Variants in AMER1 observed in about 807,000 individuals in gnomAD.
AMER1 encodes RP11-403E24.2.
Under a neutral mutation model 53.0 loss-of-function variants are expected in AMER1, and 16 were observed. That is an observed-to-expected ratio of 0.30 (90% CI 0.20 to 0.46). The LOEUF is 0.46. AMER1 is among the 20% of genes least tolerant of loss of function. The pLI is 1.00. For missense variants in AMER1, 947 were observed against 884.9 expected, an observed-to-expected ratio of 1.07 and a Z score of -0.89; for synonymous variants, 354 against 331.9, an observed-to-expected ratio of 1.07 and a Z score of -0.73.
In AMER1 at chrX:64,185,884, G is replaced by A. The variant is rs1396374574; in HGVS notation, c.*3995C>T. The A allele has an allele frequency of 2.9e-6, 1 of 342,918 alleles. No homozygotes were observed. The highest frequency in any genetic ancestry group is 2.6e-5 in the African/African-American group (1 of 38,291). 28.3% of individuals were successfully genotyped at this position (342,918 alleles called of 1,213,427 possible). On this transcript the variant is annotated 3_prime_UTR_variant, in exon 2 of 2. Coordinates refer to ENST00000374869, the MANE Select transcript of AMER1 (RefSeq NM_152424.4). ...ACAGCTTCTTGGGGAAAGGGGACAT[G>A]GTTGAAACCCCCTTCCTTCCCCATT... is the stretch of plus-strand genomic sequence containing the variant.
At chrX:64,196,963 G>C in intron 1 of AMER1, among the ~76,000 whole-genome samples, 1 of 112,411 alleles carries the variant, frequency 8.9e-6, no homozygotes, top group East Asian at 2.8e-4. Context: ...CATACTCTTT[G>C]CTATCCAACC....
At position 64,189,019 on chromosome X, in the gene AMER1, A is replaced by G. The variant is rs767739496; in HGVS notation, c.*860T>C. On this transcript the variant is annotated 3_prime_UTR_variant, in exon 2 of 2. Transcript: ENST00000374869. ...AGCTCAACACTCTATGGCAGTGTCC[A>G]CAACAGAACCTTGTTTTGTCTTCTG... 203 of 804,103 alleles carry G rather than the reference A, an allele frequency of 2.5e-4. No homozygotes were observed. The highest frequency in any genetic ancestry group is 1.9e-3 in the Middle Eastern group (3 of 1,597). The allele number at this position is 804,103 out of a possible 1,213,427, so 66.3% of individuals were successfully genotyped here. A position where few individuals can be genotyped will look rare whatever the true frequency, so the allele number is the denominator to read the frequency against.
chrX:64,195,740 C>T (rs1193185073), intron 1 of AMER1, among the ~76,000 whole-genome samples: 1 of 112,703 alleles, frequency 8.9e-6, no homozygotes, highest in Non-Finnish European at 1.9e-5. Context: ...TTCCATGAAA[C>T]AGGTCCCTGG....
At position 64,189,793 on chromosome X, in the gene AMER1, A is replaced by ACCCACCCCCCCCCCC; in HGVS notation, c.*85_*86insGGGGGGGGGGGTGGG. 1 of 292,074 alleles carries ACCCACCCCCCCCCCC rather than the reference A, an allele frequency of 3.4e-6. No individual in the cohort carries two copies. The highest frequency in any genetic ancestry group is 4.9e-6 in the Non-Finnish European group (1 of 204,832). The allele number at this position is 292,074 out of a possible 1,213,427, so 24.1% of individuals were successfully genotyped here. A position where few individuals can be genotyped will look rare whatever the true frequency, so the allele number is the denominator to read the frequency against. ...CAAAGGGTTTTCAAGTTAAACAACA[A>ACCCACCCCCCCCCCC]CCCCCACCCCCCCACCCTTCTGCCC... On this transcript the variant is annotated 3_prime_UTR_variant, in exon 2 of 2. Coordinates refer to ENST00000374869, the MANE Select transcript of AMER1 (RefSeq NM_152424.4).
In AMER1 at chrX:64,190,222, C is replaced by A. The variant is rs761242587; in HGVS notation, c.3065G>T (p.Arg1022Leu). 8.3e-7 allele frequency: 1 copy of A among 1,211,131 alleles called. No homozygotes were observed. Among genetic ancestry groups the A allele is most frequent in the Non-Finnish European group, 1.1e-6 (1 of 895,116 alleles). ...APGESGPQLA[R>L]PSHLHLPMGP... is the part of the protein sequence containing the mutation. ...CATGGGCAGGTGTAGGTGTGAGGGACGAGCTAGTTGAGGCCCAGATTCCCC... is the reference window on the plus strand; with the variant it reads ...CATGGGCAGGTGTAGGTGTGAGGGAAGAGCTAGTTGAGGCCCAGATTCCCC... The change falls in exon 2 of 2, where the codon CGT becomes CTT. Residue 1022 changes from arginine (R) to leucine (L), a missense_variant. Transcript: ENST00000374869.
At position 64,191,223 on chromosome X, in the gene AMER1, A is replaced by G. The variant is rs2147086869; in HGVS notation, c.2064T>C (p.Thr688=). The G allele has an allele frequency of 8.3e-7, 1 of 1,211,740 alleles. No homozygotes were observed. Among genetic ancestry groups the G allele is most frequent in the Non-Finnish European group, 1.1e-6 (1 of 895,488 alleles). ...CCCTCCAGTCTGGCTCGCTGCTTGC[A>G]GTGGTGGGGAAAGCTGAGGTAATTC... The part of the protein sequence containing the change: ...HRGITSAFPT[T]ASSEPDWRDF... The change falls in exon 2 of 2, where the codon ACT becomes ACC. Residue 688 remains threonine (T), a synonymous_variant. Transcript: ENST00000374869.
rs748367933 is a variant in AMER1 at position 64,191,389 on chromosome X, A to C, written c.1898T>G (p.Val633Gly). The part of the protein sequence containing the change: ...ARTREAQARE[V>G]RCRETQVRET... ...TCGGACTTGAGTCTCTCTACAACGA[A>C]CCTCTCGGGCCTGGGCTTCTCGGGT... Residue 633 changes from valine (V) to glycine (G), a missense_variant, in exon 2 of 2, where the codon GTT becomes GGT. By Grantham distance (109) the Val-to-Gly change is moderately radical. Transcript: ENST00000374869. The C allele has an allele frequency of 4.1e-6, 5 of 1,208,845 alleles. No homozygotes were observed. In the South Asian group the frequency reaches 8.8e-5, roughly 21 times the overall value.
rs765850746 is a variant in AMER1 at position 64,192,085 on chromosome X, T to C, written c.1202A>G (p.Glu401Gly). 5.8e-6 allele frequency: 7 copies of C among 1,209,855 alleles called. No individual in the cohort carries two copies. The African/African-American group carries it at 1.0e-4, about 18-fold the overall frequency. The change falls in exon 2 of 2, where the codon GAA (glutamate) becomes GGA (glycine). Residue 401 changes from glutamate to glycine, a missense_variant. By Grantham distance (98) the Glu-to-Gly change is moderately conservative. Coordinates refer to ENST00000374869, the MANE Select transcript of AMER1 (RefSeq NM_152424.4). ...EEEEEEVKEE[E>G]EDDDLEYLWE... ...CAGATATTCTAAGTCATCATCTTCT[T>C]CCTCCTCCTTAACCTCCTCTTCTTC...
At position 64,186,130 on chromosome X, in the gene AMER1, C is replaced by T. The variant is rs747727608; in HGVS notation, c.*3749G>A. 8.3e-7 allele frequency: 1 copy of T among 1,209,760 alleles called. No individual in the cohort carries two copies. Among genetic ancestry groups the T allele is most frequent in the South Asian group, 1.8e-5 (1 of 56,825 alleles). On this transcript the variant is annotated 3_prime_UTR_variant, in exon 2 of 2. Coordinates refer to ENST00000374869, the MANE Select transcript of AMER1 (RefSeq NM_152424.4). ...ATGACAAGCTGTCTACCAGGTCCCA[C>T]ACGCCTGAGTCACTTGGCGTTTGTC...
chrX:64,197,693 G>A (rs1361544858), intron 1 of AMER1, among the ~76,000 whole-genome samples: 6 of 112,411 alleles, frequency 5.3e-5, no homozygotes, highest in Non-Finnish European at 9.4e-5. Context: ...TCTGTATGTT[G>A]GGGAGGGTTG....
Position 64,191,213 on chromosome X carries a change from C to T in AMER1, c.2074G>A (p.Glu692Lys), listed in dbSNP as rs759613339. The change falls in exon 2 of 2, where the codon GAG becomes AAG. Residue 692 changes from glutamate to lysine, a missense_variant. Physicochemically the swap from Glu to Lys is moderately conservative, Grantham distance 56. Transcript: ENST00000374869. ...GGACGGAAGTCCCTCCAGTCTGGCTCGCTGCTTGCAGTGGTGGGGAAAGCT... is the reference window on the plus strand; with the variant it reads ...GGACGGAAGTCCCTCCAGTCTGGCTTGCTGCTTGCAGTGGTGGGGAAAGCT... Reference protein sequence around the residue: ...TSAFPTTASSEPDWRDFRPLE... With the variant: ...TSAFPTTASSKPDWRDFRPLE... 46 of 1,210,401 alleles carry T rather than the reference C, an allele frequency of 3.8e-5. No homozygotes were observed. Among genetic ancestry groups the T allele is most frequent in the Non-Finnish European group, 4.7e-5 (42 of 895,337 alleles).
chrX:64,204,658 C>T lies in AMER1; in HGVS notation c.-99+912G>A, dbSNP rs765906774. Among the ~76,000 whole-genome samples the T allele has an allele frequency of 2.6e-5, 3 of 113,386 alleles. No homozygotes were observed. In the South Asian group the frequency reaches 1.1e-3, roughly 40 times the overall value. On this transcript the variant is annotated intron_variant, in intron 1 of 1. Transcript: ENST00000374869. ...TCGGCCTCTGGCAAGGAAATGCCCCCCAAACACCGTGCCTATTGCTATTTT... is the reference window on the plus strand; with the variant it reads ...TCGGCCTCTGGCAAGGAAATGCCCCTCAAACACCGTGCCTATTGCTATTTT...
chrX:64,200,985 G>A (rs1930475809), intron 1 of AMER1, among the ~76,000 whole-genome samples: 1 of 111,385 alleles, frequency 9.0e-6, no homozygotes, highest in Non-Finnish European at 1.9e-5. Context: ...TAGGGATGGA[G>A]GGTTAGTATC....
intron 1 of AMER1, among the ~76,000 whole-genome samples, chrX:64,196,163 C>T (rs1408686133): frequency 8.9e-6 from 1 of 112,022 alleles, no homozygotes; most frequent in Admixed American, 9.4e-5. Context: ...TGTCCCCTTT[C>T]CTGTCACAGG....
Position 64,190,430 on chromosome X carries a change from G to A in AMER1, c.2857C>T (p.Pro953Ser), listed in dbSNP as rs374610712. 11 of 1,210,419 alleles carry A rather than the reference G, an allele frequency of 9.1e-6. No homozygotes were observed. In the African/African-American group the frequency reaches 1.4e-4, roughly 15 times the overall value. ...DSPLSLYTEP[P>S]GAYDWPAWAP... ...CAAGCAGGCCAATCATAGGCCCCTG[G>A]GGGTTCAGTATAGAGGGAAAGGGGA... is the stretch of plus-strand genomic sequence containing the variant. The change falls in exon 2 of 2, where the codon CCA becomes TCA. Residue 953 changes from proline (P) to serine (S), a missense_variant. By Grantham distance (74) the Pro-to-Ser change is moderately conservative. Transcript: ENST00000374869.
chrX:64,189,793 A>AGGGGGGGGGGGGG lies in AMER1; in HGVS notation c.*85_*86insCCCCCCCCCCCCC. ...CAAAGGGTTTTCAAGTTAAACAACA[A>AGGGGGGGGGGGGG]CCCCCACCCCCCCACCCTTCTGCCC... On this transcript the variant is annotated 3_prime_UTR_variant, in exon 2 of 2. Coordinates refer to ENST00000374869, the MANE Select transcript of AMER1 (RefSeq NM_152424.4). 3.4e-6 allele frequency: 1 copy of AGGGGGGGGGGGGG among 292,071 alleles called. No homozygotes were observed. Among genetic ancestry groups the AGGGGGGGGGGGGG allele is most frequent in the Non-Finnish European group, 4.9e-6 (1 of 204,829 alleles). 24.1% of individuals were successfully genotyped at this position (292,071 alleles called of 1,213,427 possible). A position where few individuals can be genotyped will look rare whatever the true frequency, so the allele number is the denominator to read the frequency against.
At chrX:64,196,226 C>G (rs1300236389) in intron 1 of AMER1, among the ~76,000 whole-genome samples, 1 of 111,483 alleles carries the variant, frequency 9.0e-6, no homozygotes, top group Non-Finnish European at 1.9e-5. Flanking sequence ...GGGGTCCAGG[C>G]CATGTCAGCC....
At position 64,189,793 on chromosome X, in the gene AMER1, A is replaced by ACGGGGGGGG; in HGVS notation, c.*85_*86insCCCCCCCCG. The ACGGGGGGGG allele has an allele frequency of 3.4e-6, 1 of 292,061 alleles. No homozygotes were observed. The highest frequency in any genetic ancestry group is 4.9e-6 in the Non-Finnish European group (1 of 204,819). 24.1% of individuals were successfully genotyped at this position (292,061 alleles called of 1,213,427 possible). On this transcript the variant is annotated 3_prime_UTR_variant, in exon 2 of 2. Transcript: ENST00000374869. ...CAAAGGGTTTTCAAGTTAAACAACA[A>ACGGGGGGGG]CCCCCACCCCCCCACCCTTCTGCCC...
At chrX:64,194,963 G>A (rs1157837669) in intron 1 of AMER1, among the ~76,000 whole-genome samples, 1 of 111,903 alleles carries the variant, frequency 8.9e-6, no homozygotes, top group East Asian at 2.8e-4. Context: ...TATTAAAATT[G>A]GAGCAAGATA....
Sources: gnomAD v4.1 joint callset for allele counts (sites outside exome capture counted in the v4.1 genomes callset) on GRCh38, gnomAD v4.1.1 for gene constraint, MANE v1.5 for transcripts, NCBI Gene and HGNC (gene_info 2026-07-23, HGNC 2026-07-21) for gene names.